The following HFM1 variants were observed in gnomAD, a reference collection of about 807,000 sequenced individuals.
HFM1 encodes the protein helicase for meiosis 1, also known as probable ATP-dependent DNA helicase HFM1.
HFM1 carries 169 observed loss-of-function variants against 192.1 expected under a neutral mutation model. That is an observed-to-expected ratio of 0.88 (90% CI 0.78 to 1.00). The LOEUF (loss-of-function observed/expected upper bound fraction) is 1.00. Ranked by LOEUF, HFM1 falls within the 50% of genes least tolerant of loss-of-function variation. The probability of loss-of-function intolerance (pLI) is 0.00; values close to 1 mark genes in which losing one functional copy is unlikely to be tolerated. For synonymous variants in HFM1, 525 were observed against 537.8 expected (o/e 0.98, Z 0.33); for missense variants, 1,661 against 1,668.0 (o/e 1.00, Z 0.07).
chr1:91,407,002 G>A (rs902014587), upstream of HFM1, among the ~76,000 whole-genome samples: 2 of 152,086 alleles, frequency 1.3e-5, no homozygotes, highest in Non-Finnish European at 2.9e-5. Flanking sequence ...CCCACTAGAA[G>A]GCGCGCTTTC....
chr1:91,276,181 C>A (rs890653343), intron 32 of HFM1, among the ~76,000 whole-genome samples: 1 of 152,176 alleles, frequency 6.6e-6, no homozygotes, highest in Non-Finnish European at 1.5e-5. Context: ...CTTGGCTTAT[C>A]CTTCAGGTCC....
intron 20 of HFM1, among the ~76,000 whole-genome samples, chr1:91,335,866 G>A (rs1654496864): frequency 6.6e-6 from 1 of 151,874 alleles, no homozygotes; most frequent in South Asian, 2.1e-4. Flanking sequence ...GTCAATGACT[G>A]AGCATGGCAG....
chr1:91,273,861 T>G, intron 33 of HFM1, 46 bp from the exon 34 acceptor site: 3 of 1,020,706 alleles, frequency 2.9e-6, no homozygotes, highest in Non-Finnish European at 4.5e-6. Flanking sequence ...AATATGGAAA[T>G]TAATCTAAGC....
intron 20 of HFM1, among the ~76,000 whole-genome samples, chr1:91,325,751 G>C (rs996373861): frequency 6.6e-6 from 1 of 151,966 alleles, no homozygotes; most frequent in Non-Finnish European, 1.5e-5. Flanking sequence ...CTCACCAAGT[G>C]AACTAAACAA....
At chr1:91,285,566 G>C (rs1444758045) in intron 30 of HFM1, among the ~76,000 whole-genome samples, 1 of 152,104 alleles carries the variant, frequency 6.6e-6, no homozygotes, top group African/African-American at 2.4e-5. Context: ...ATGTATGTTA[G>C]GTTTAGAGGT....
chr1:91,262,765 C>T (rs1454437754), intron 36 of HFM1, among the ~76,000 whole-genome samples, 173 bp from the exon 37 acceptor site: 1 of 152,048 alleles, frequency 6.6e-6, no homozygotes, highest in Non-Finnish European at 1.5e-5. Flanking sequence ...TTCCTTTAGA[C>T]CAAACCATAA....
intron 21 of HFM1, among the ~76,000 whole-genome samples, chr1:91,323,774 G>T (rs1179003022): frequency 1.3e-5 from 2 of 152,176 alleles, no homozygotes; most frequent in Non-Finnish European, 2.9e-5. Context: ...CTCAAGATCA[G>T]ATGAGTTAAT....
At chr1:91,311,622 T>C (rs1436902079) in intron 30 of HFM1, among the ~76,000 whole-genome samples, 4 of 139,472 alleles carry the variant, frequency 2.9e-5, no homozygotes, top group Admixed American at 7.2e-5. Flanking sequence ...TGAGACTCCA[T>C]CTCAAAAAAA....
chr1:91,396,582 T>A (rs1452937881), intron 2 of HFM1, among the ~76,000 whole-genome samples, 177 bp from the exon 3 acceptor site: 1 of 152,192 alleles, frequency 6.6e-6, no homozygotes, highest in Non-Finnish European at 1.5e-5. Flanking sequence ...TTATATATCA[T>A]AGGATTAATG....
intron 30 of HFM1, among the ~76,000 whole-genome samples, chr1:91,296,222 C>T (rs1353274626): frequency 6.6e-6 from 1 of 152,162 alleles, no homozygotes; most frequent in Non-Finnish European, 1.5e-5. Context: ...CCCAGACTGA[C>T]ATACAATTTT....
At chr1:91,340,286 A>G (rs1316057626) in intron 20 of HFM1, among the ~76,000 whole-genome samples, 2 of 152,248 alleles carry the variant, frequency 1.3e-5, no homozygotes, top group Admixed American at 1.3e-4. Flanking sequence ...CTGGGATTAC[A>G]GGCACAAGCC....
chr1:91,341,386 T>C (rs1473843665), intron 20 of HFM1, among the ~76,000 whole-genome samples: 1 of 152,166 alleles, frequency 6.6e-6, no homozygotes. Flanking sequence ...TTGTAACTGA[T>C]GAAAACAAAG....
chr1:91,339,937 T>A (rs1418117589), intron 20 of HFM1, among the ~76,000 whole-genome samples: 1 of 152,108 alleles, frequency 6.6e-6, no homozygotes, highest in Non-Finnish European at 1.5e-5. Flanking sequence ...GGGAAACATA[T>A]AAAGCTAACA....
chr1:91,323,967 A>G (rs1652511178), intron 21 of HFM1, among the ~76,000 whole-genome samples: 1 of 152,230 alleles, frequency 6.6e-6, no homozygotes, highest in Non-Finnish European at 1.5e-5. Context: ...GATATTTTAA[A>G]TAAAAATGAA....
chr1:91,329,525 T>C (rs1653483511), intron 20 of HFM1: 5 of 1,493,786 alleles, frequency 3.3e-6, no homozygotes, highest in Middle Eastern at 2.4e-4. Flanking sequence ...AATAAATGTG[T>C]TTCCCCATTA....
At chr1:91,353,672 A>AAC (rs1657297186) in intron 13 of HFM1, among the ~76,000 whole-genome samples, 2 of 147,410 alleles carry the variant, frequency 1.4e-5, no homozygotes, top group African/African-American at 5.0e-5. Context: ...AAAAAAAAAA[A>AAC]CATGGAAATA....
At chr1:91,369,452 A>C (rs1356749374) in intron 13 of HFM1, among the ~76,000 whole-genome samples, 1 of 152,198 alleles carries the variant, frequency 6.6e-6, no homozygotes, top group Non-Finnish European at 1.5e-5. Context: ...AACTCACTCA[A>C]AACCGCTCAA....
intron 30 of HFM1, among the ~76,000 whole-genome samples, chr1:91,281,689 A>G (rs1667474310): frequency 6.6e-6 from 1 of 152,214 alleles, no homozygotes; most frequent in Non-Finnish European, 1.5e-5. Context: ...GGCATAGAAC[A>G]TAAGGTTGAA....
At chr1:91,318,934 T>C (rs1326744956) in intron 25 of HFM1, 144 bp downstream of exon 25, 2 of 666,392 alleles carry the variant, frequency 3.0e-6, no homozygotes, top group African/African-American at 1.9e-5. Context: ...GAAAATCAGA[T>C]TTTCGAAAGT....
Sources: allele counts gnomAD v4.1 joint callset (sites outside exome capture counted in the v4.1 genomes callset), GRCh38; gene constraint gnomAD v4.1.1; transcripts MANE v1.5; gene names NCBI Gene and HGNC (gene_info 2026-07-23, HGNC 2026-07-21).